KDM4D: variants seen among roughly 807,000 people sequenced by gnomAD.
The protein encoded by KDM4D is lysine demethylase 4D, also known as lysine-specific demethylase 4D.
For missense variants in KDM4D, 427 were observed against 674.8 expected (o/e 0.63, Z 4.07); for synonymous variants, 254 against 249.1 (o/e 1.02, Z -0.19).
intron 2 of KDM4D, among the ~76,000 whole-genome samples, chr11:94,976,929 T>C (rs1555097055): frequency 6.6e-6 from 1 of 152,216 alleles, no homozygotes; most frequent in African/African-American, 2.4e-5. Context: ...CTTTTAAAAA[T>C]TCATTTATCC....
intron 2 of KDM4D, among the ~76,000 whole-genome samples, chr11:94,985,245 C>T (rs183131391): frequency 2.2e-4 from 34 of 152,194 alleles, no homozygotes; most frequent in African/African-American, 7.9e-4. Flanking sequence ...AAACTAAAAA[C>T]GAAGTCCAGC....
In KDM4D at chr11:94,984,416, G is replaced by A. The variant is rs374850427; in HGVS notation, c.-350+8668G>A. ...AGGCTGAGGTGGGAGGATGGCTTGA[G>A]CCTTGGAGAGGGAGGCTGCAGTGAG... On this transcript the variant is annotated intron_variant, in intron 2 of 2. Coordinates refer to ENST00000335080, the MANE Select transcript of KDM4D (RefSeq NM_018039.3). Among the ~76,000 whole-genome samples the A allele has an allele frequency of 4.9e-4, 75 of 152,132 alleles. 1 individual carries two copies. The East Asian group carries it at 6.6e-3, about 13-fold the overall frequency.
At chr11:94,986,802 A>G (rs1857891906) in intron 2 of KDM4D, among the ~76,000 whole-genome samples, 2 of 152,198 alleles carry the variant, frequency 1.3e-5, no homozygotes, top group African/African-American at 4.8e-5. Context: ...TGGCTCAGCA[A>G]TTATACTCCT....
chr11:94,979,371 A>AGGT (rs1368955684), intron 2 of KDM4D, among the ~76,000 whole-genome samples: 2 of 152,138 alleles, frequency 1.3e-5, no homozygotes, highest in Non-Finnish European at 2.9e-5. Flanking sequence ...CTAGGATTAC[A>AGGT]GGTGCGTGCC....
chr11:94,978,745 C>G (rs1392762507), intron 2 of KDM4D, among the ~76,000 whole-genome samples: 1 of 152,062 alleles, frequency 6.6e-6, no homozygotes, highest in East Asian at 1.9e-4. Flanking sequence ...AAAAGACATG[C>G]CAGGCAAATT....
At chr11:94,974,459 A>C (rs1555096733) in intron 1 of KDM4D, among the ~76,000 whole-genome samples, 1 of 152,176 alleles carries the variant, frequency 6.6e-6, no homozygotes, top group Admixed American at 6.5e-5. Flanking sequence ...AACTTCCCCA[A>C]CTTAGTTTAA....
intron 2 of KDM4D, among the ~76,000 whole-genome samples, chr11:94,987,271 G>C (rs1857895664): frequency 6.6e-6 from 1 of 152,166 alleles, no homozygotes; most frequent in Admixed American, 6.5e-5. Flanking sequence ...AAAAATCATT[G>C]AAGTGTACAC....
chr11:94,988,893 C>T (rs1426224393), intron 2 of KDM4D, among the ~76,000 whole-genome samples: 1 of 152,012 alleles, frequency 6.6e-6, no homozygotes, highest in Admixed American at 6.6e-5. Flanking sequence ...GAAAGGGAAC[C>T]CCCAGGATTA....
intron 2 of KDM4D, among the ~76,000 whole-genome samples, chr11:94,984,755 T>C (rs1348040583): frequency 6.8e-6 from 1 of 146,816 alleles, no homozygotes; most frequent in Non-Finnish European, 1.5e-5. Context: ...TAATCCCAGC[T>C]ACTTGGGAGG....
In KDM4D at chr11:94,998,350, C is replaced by G. The variant is rs1555099531; in HGVS notation, c.978C>G (p.Arg326=). 1 of 1,614,204 alleles carries G rather than the reference C, an allele frequency of 6.2e-7. No individual in the cohort carries two copies. Among genetic ancestry groups the G allele is most frequent in the Non-Finnish European group, 8.5e-7 (1 of 1,180,028 alleles). The part of the protein sequence containing the change: ...RVTFSMDAFV[R]ILQPERYDLW... Reference sequence around the variant, plus strand: ...CCTTTTCCATGGATGCCTTCGTGCGCATCCTGCAACCTGAACGCTATGACC... The same window carrying G: ...CCTTTTCCATGGATGCCTTCGTGCGGATCCTGCAACCTGAACGCTATGACC... The change falls in exon 3 of 3, where the codon CGC becomes CGG. Residue 326 remains arginine (R), a synonymous_variant. Transcript: ENST00000335080. This position sits in a 1 kb window ranked among gnomAD's most constrained non-coding sequence, Gnocchi z 6.7.
intron 2 of KDM4D, among the ~76,000 whole-genome samples, chr11:94,984,310 C>A (rs2063171): frequency 0.46 from 70,289 of 151,486 alleles, 16,813 homozygotes; most frequent in Non-Finnish European, 0.53. Flanking sequence ...GCCTGGGCAA[C>A]ATGGCAAATC....
intron 2 of KDM4D, among the ~76,000 whole-genome samples, chr11:94,995,189 T>C (rs1857966080): frequency 1.3e-5 from 2 of 152,212 alleles, no homozygotes; most frequent in African/African-American, 4.8e-5. Flanking sequence ...AAGTCAAGGA[T>C]AGACATAATT....
chr11:94,980,850 C>G (rs587704004), intron 2 of KDM4D, among the ~76,000 whole-genome samples: 1 of 152,272 alleles, frequency 6.6e-6, no homozygotes, highest in Admixed American at 6.5e-5. Context: ...CATGTACAAT[C>G]ATGTCATCTG....
intron 2 of KDM4D, among the ~76,000 whole-genome samples, chr11:94,987,289 T>A (rs1036046507): frequency 6.6e-6 from 1 of 152,230 alleles, no homozygotes; most frequent in African/African-American, 2.4e-5. Context: ...CACTTAAAAT[T>A]GATGAATTTT....
In KDM4D at chr11:94,998,893, G is replaced by T. The variant is rs1555099681; in HGVS notation, c.1521G>T (p.Gly507=). The change falls in exon 3 of 3, where the codon GGG becomes GGT. Residue 507 remains glycine, a synonymous_variant. Coordinates refer to ENST00000335080, the MANE Select transcript of KDM4D (RefSeq NM_018039.3). The surrounding 1 kb of genome is among the most constrained non-coding windows in gnomAD (Gnocchi z 6.7). ...ACAAGCCTGTACCACTGAGCCCAGG[G>T]CTCCAGCATCCTGTCAAGGCTTCTG... ...LMDKPVPLSP[G]LQHPVKASGC... is the part of the protein sequence containing the mutation. 2 of 1,517,740 alleles carry T rather than the reference G, an allele frequency of 1.3e-6. No homozygotes were observed. Among genetic ancestry groups the T allele is most frequent in the East Asian group, 4.6e-5 (2 of 43,934 alleles). The allele number at this position is 1,517,740 out of a possible 1,614,324, so 94.0% of individuals were successfully genotyped here.
intron 2 of KDM4D, among the ~76,000 whole-genome samples, chr11:94,981,727 T>C (rs1041186664): frequency 5.9e-5 from 9 of 151,948 alleles, no homozygotes; most frequent in African/African-American, 2.2e-4. Context: ...CCTTCTATTT[T>C]TGTTCTTCCT....
intron 2 of KDM4D, among the ~76,000 whole-genome samples, chr11:94,976,514 T>C (rs1374771502): frequency 6.6e-6 from 1 of 152,244 alleles, no homozygotes; most frequent in East Asian, 1.9e-4. Context: ...CCTTGTGCTC[T>C]GGGTCCTAAT....
intron 2 of KDM4D, among the ~76,000 whole-genome samples, chr11:94,993,613 C>T (rs1051988241): frequency 6.6e-6 from 1 of 150,762 alleles, no homozygotes; most frequent in Admixed American, 6.6e-5. Context: ...GACATTGCAT[C>T]ATTCTTCCTA....
At chr11:94,993,184 A>C (rs145748150) in intron 2 of KDM4D, among the ~76,000 whole-genome samples, 45 of 152,278 alleles carry the variant, frequency 3.0e-4, no homozygotes, top group African/African-American at 1.0e-3. Context: ...CCGAAGAAAG[A>C]CTTTCTAATT....
Sources: gnomAD v4.1 joint callset for allele counts (sites outside exome capture counted in the v4.1 genomes callset) on GRCh38, gnomAD v4.1.1 for gene constraint, Gnocchi (gnomAD v3.1) non-coding constraint, MANE v1.5 for transcripts, NCBI Gene and HGNC (gene_info 2026-07-23, HGNC 2026-07-21) for gene names.